Variants in PRKG1 observed in about 807,000 individuals in gnomAD.
PRKG1 encodes the protein protein kinase cGMP-dependent 1, also known as cGMP-dependent protein kinase 1.
PRKG1 carries 35 observed loss-of-function variants against 88.1 expected under a neutral mutation model. The ratio of observed to expected loss-of-function variants is 0.40; its 90% CI spans 0.30 to 0.53. The LOEUF (loss-of-function observed/expected upper bound fraction) is 0.53, where lower values mean the gene tolerates loss of function less well. PRKG1 is among the 20% of genes least tolerant of loss of function. The pLI, the probability that PRKG1 is intolerant of heterozygous loss-of-function variation, is 0.59. For missense variants in PRKG1, 540 were observed against 839.8 expected (o/e 0.64, Z 4.41); for synonymous variants, 303 against 292.5 (o/e 1.04, Z -0.37).
chr10:51,741,053 C>A (rs759862836), intron 3 of PRKG1, among the ~76,000 whole-genome samples: 5 of 151,650 alleles, frequency 3.3e-5, no homozygotes, highest in African/African-American at 7.3e-5. Flanking sequence ...TCATACAATG[C>A]TAAGTTTCTG....
intron 3 of PRKG1, among the ~76,000 whole-genome samples, chr10:51,725,036 A>G (rs1035185673): frequency 9.9e-5 from 15 of 152,058 alleles, no homozygotes; most frequent in African/African-American, 3.6e-4. Flanking sequence ...GACTGGAAAA[A>G]ATCAAGCACT....
chr10:51,523,402 A>G (rs755825922), intron 3 of PRKG1, among the ~76,000 whole-genome samples: 7 of 152,212 alleles, frequency 4.6e-5, no homozygotes, highest in African/African-American at 1.2e-4. Context: ...CAGTCCTCCA[A>G]TACATTATCT....
At chr10:51,020,121 C>T (rs1843116891) in intron 1 of PRKG1, among the ~76,000 whole-genome samples, 1 of 152,124 alleles carries the variant, frequency 6.6e-6, no homozygotes, top group South Asian at 2.1e-4. Flanking sequence ...ATAGAATTAC[C>T]ATACGAGCTA....
intron 3 of PRKG1, among the ~76,000 whole-genome samples, chr10:51,671,415 T>G (rs1302258213): frequency 1.3e-5 from 2 of 152,192 alleles, no homozygotes; most frequent in African/African-American, 4.8e-5. Context: ...GATCCCTCTG[T>G]AATCTCTAAA....
intron 3 of PRKG1, among the ~76,000 whole-genome samples, chr10:51,564,324 T>A (rs965383129): frequency 2.0e-5 from 3 of 152,164 alleles, no homozygotes; most frequent in Non-Finnish European, 4.4e-5. Flanking sequence ...TTCTTTGTTA[T>A]AATAGATAGT....
chr10:52,255,924 T>C lies in PRKG1; in HGVS notation c.1173+4258T>C, dbSNP rs149524749. 5.6e-3 allele frequency among the ~76,000 whole-genome samples: 844 copies of C among 151,858 alleles called. 7 individuals carry two copies. The highest frequency in any genetic ancestry group is 0.019 in the African/African-American group (801 of 41,498). Reference sequence around the variant, plus strand: ...TTATAATCTTCAAATTACTTTCATGTTCATTGTATAATTTTGCCCTTATAG... The same window carrying C: ...TTATAATCTTCAAATTACTTTCATGCTCATTGTATAATTTTGCCCTTATAG... On this transcript the variant is annotated intron_variant, in intron 10 of 17. Coordinates refer to ENST00000373980, the MANE Select transcript of PRKG1 (RefSeq NM_006258.4).
intron 2 of PRKG1, among the ~76,000 whole-genome samples, chr10:51,438,636 A>G (rs1839006696): frequency 6.6e-6 from 1 of 151,956 alleles, no homozygotes; most frequent in Non-Finnish European, 1.5e-5. Context: ...TCAAGGTTAC[A>G]TACTATCAAT....
chr10:51,518,060 G>A (rs556154567), intron 3 of PRKG1, among the ~76,000 whole-genome samples: 79 of 152,202 alleles, frequency 5.2e-4, no homozygotes, highest in African/African-American at 1.7e-3. Flanking sequence ...ATGCAGTGGC[G>A]CCATCTTGGC....
intron 1 of PRKG1, among the ~76,000 whole-genome samples, chr10:51,111,031 G>A (rs1366996325): frequency 6.6e-6 from 1 of 152,122 alleles, no homozygotes; most frequent in African/African-American, 2.4e-5. Flanking sequence ...GCCAAGGAAA[G>A]GTGCAGATAG....
intron 8 of PRKG1, among the ~76,000 whole-genome samples, chr10:52,141,378 G>T (rs906022389): frequency 6.6e-6 from 1 of 152,084 alleles, no homozygotes; most frequent in African/African-American, 2.4e-5. Flanking sequence ...CCTCATGTTT[G>T]CCTGGCTTTG....
At chr10:51,104,226 A>G (rs1052108268) in intron 1 of PRKG1, among the ~76,000 whole-genome samples, 1 of 152,224 alleles carries the variant, frequency 6.6e-6, no homozygotes, top group Non-Finnish European at 1.5e-5. Context: ...GACAGAAAAA[A>G]AAATCATCCC....
intron 2 of PRKG1, among the ~76,000 whole-genome samples, chr10:51,267,721 C>T (rs10996455): frequency 0.11 from 17,131 of 152,024 alleles, 1,350 homozygotes; most frequent in African/African-American, 0.22. Flanking sequence ...AAGATAACAT[C>T]GGGAAAACTC....
chr10:51,037,407 T>C (rs1843365640), intron 1 of PRKG1, among the ~76,000 whole-genome samples: 1 of 152,154 alleles, frequency 6.6e-6, no homozygotes, highest in South Asian at 2.1e-4. Flanking sequence ...GAGGCTGCAG[T>C]GAGCTGTGAT....
intron 7 of PRKG1, among the ~76,000 whole-genome samples, chr10:52,130,447 T>A (rs574587757): frequency 1.3e-5 from 2 of 152,330 alleles, no homozygotes; most frequent in South Asian, 2.1e-4. Context: ...AATACATTTT[T>A]AAAAATCTAT....
intron 1 of PRKG1, among the ~76,000 whole-genome samples, chr10:51,082,422 T>C (rs1844135858): frequency 1.3e-5 from 2 of 152,182 alleles, no homozygotes; most frequent in African/African-American, 2.4e-5. Flanking sequence ...TAGAATCACA[T>C]GGGGAACATA....
chr10:50,998,151 A>T (rs759127574), intron 1 of PRKG1, among the ~76,000 whole-genome samples: 3 of 152,170 alleles, frequency 2.0e-5, no homozygotes, highest in African/African-American at 4.8e-5. Flanking sequence ...TCCTTGTTGA[A>T]GTATTTCATC....
chr10:51,524,830 C>CT (rs1456819006), intron 3 of PRKG1, among the ~76,000 whole-genome samples: 2 of 152,178 alleles, frequency 1.3e-5, no homozygotes, highest in East Asian at 1.9e-4. Context: ...ACTTAAAATA[C>CT]TTTTTTGGTA....
At chr10:51,188,993 G>A (rs187389081) in intron 2 of PRKG1, among the ~76,000 whole-genome samples, 1 of 152,028 alleles carries the variant, frequency 6.6e-6, no homozygotes, top group African/African-American at 2.4e-5. Flanking sequence ...CTGCACTAAT[G>A]TATCACTGGA....
intron 5 of PRKG1, among the ~76,000 whole-genome samples, chr10:51,982,827 G>A (rs1844046475): frequency 6.6e-6 from 1 of 152,190 alleles, no homozygotes; most frequent in Admixed American, 6.5e-5. Flanking sequence ...AGTGTAGTGG[G>A]GTGCACACTC....
Sources: gnomAD v4.1 joint callset for allele counts (sites outside exome capture counted in the v4.1 genomes callset) on GRCh38, gnomAD v4.1.1 for gene constraint, MANE v1.5 for transcripts, NCBI Gene and HGNC (gene_info 2026-07-23, HGNC 2026-07-21) for gene names.